DIP2A: variants seen among roughly 807,000 people sequenced by gnomAD.
DIP2A encodes the protein disco-interacting protein 2 homolog A.
Under a neutral mutation model 177.4 loss-of-function variants are expected in DIP2A, and 85 were observed. The ratio of observed to expected loss-of-function variants is 0.48; its 90% CI spans 0.40 to 0.57. DIP2A has a LOEUF of 0.57. DIP2A is among the 20% of genes least tolerant of loss of function. DIP2A has a pLI of 0.00. For missense variants in DIP2A, 1,791 were observed against 2,100.2 expected (o/e 0.85, Z 2.88); for synonymous variants, 886 against 881.8 (o/e 1.00, Z -0.08).
At chr21:46,582,587 G>A in the DIP2A span, among the ~76,000 whole-genome samples, 1 of 152,178 alleles carries the variant, frequency 6.6e-6, no homozygotes, top group Non-Finnish European at 1.5e-5. Flanking sequence ...GTGCTCCTGA[G>A]TGGTCCATCG....
At chr21:46,482,499 G>A (rs942235929) in intron 1 of DIP2A, among the ~76,000 whole-genome samples, 2 of 152,132 alleles carry the variant, frequency 1.3e-5, no homozygotes, top group African/African-American at 4.8e-5. Flanking sequence ...ATAAATGAAT[G>A]TTACTGGTTT....
chr21:46,549,623 A>G, intron 21 of DIP2A, 148 bp from the exon 22 acceptor site: 1 of 1,395,964 alleles, frequency 7.2e-7, no homozygotes, highest in Non-Finnish European at 9.5e-7. Context: ...ATGATGAGTT[A>G]CTTTTTGAAT....
In DIP2A at chr21:46,569,544, A is replaced by G. The variant is rs1219891124; in HGVS notation, c.*1922A>G. 6.6e-6 allele frequency: 1 copy of G among 152,120 alleles called. No individual in the cohort carries two copies. The highest frequency in any genetic ancestry group is 1.9e-4 in the East Asian group (1 of 5,204). 9.4% of individuals were successfully genotyped at this position (152,120 alleles called of 1,614,324 possible). ...TGTTGTAGTTTTATAGCAAACAAAA[A>G]TTGTCAGCTTTTTGTATTGAAAGGT... is the stretch of plus-strand genomic sequence containing the variant. On this transcript the variant is annotated 3_prime_UTR_variant, in exon 38 of 38. Transcript: ENST00000417564.
the DIP2A span, among the ~76,000 whole-genome samples, chr21:46,583,559 T>G: frequency 6.6e-6 from 1 of 152,220 alleles, no homozygotes; most frequent in Non-Finnish European, 1.5e-5. Flanking sequence ...GAATTTTTGT[T>G]CACTCCAAAA....
intron 8 of DIP2A, among the ~76,000 whole-genome samples, chr21:46,518,276 G>A (rs1003873306): frequency 6.6e-6 from 1 of 152,150 alleles, no homozygotes; most frequent in Non-Finnish European, 1.5e-5. Flanking sequence ...ACTTAGGAGT[G>A]GAAGTACTAG....
intron 18 of DIP2A, among the ~76,000 whole-genome samples, chr21:46,542,851 T>C (rs1049268210): frequency 1.3e-5 from 2 of 152,234 alleles, no homozygotes; most frequent in African/African-American, 4.8e-5. Context: ...AGGCTCAGCG[T>C]CCTGGCCCTT....
chr21:46,531,142 G>C (rs182944228), intron 9 of DIP2A, among the ~76,000 whole-genome samples: 4 of 152,076 alleles, frequency 2.6e-5, no homozygotes, highest in South Asian at 2.1e-4. Context: ...AGCAGTCCAG[G>C]GGGGGCAGCA....
At chr21:46,475,874 A>G (rs530194088) in intron 1 of DIP2A, among the ~76,000 whole-genome samples, 21 of 152,298 alleles carry the variant, frequency 1.4e-4, no homozygotes, top group Admixed American at 7.8e-4. Flanking sequence ...GCATATTTTA[A>G]AACTATGTAA....
intron 32 of DIP2A, 72 bp from the exon 33 acceptor site, chr21:46,560,650 C>T: frequency 6.5e-7 from 1 of 1,544,642 alleles, no homozygotes. Context: ...AGCTGCCATG[C>T]AGCTGTACCT....
intron 2 of DIP2A, among the ~76,000 whole-genome samples, chr21:46,485,130 A>G (rs1392841142): frequency 6.6e-6 from 1 of 152,178 alleles, no homozygotes; most frequent in Non-Finnish European, 1.5e-5. Flanking sequence ...ATTATGAACA[A>G]CCTGGCACAA....
intron 1 of DIP2A, among the ~76,000 whole-genome samples, chr21:46,463,719 T>TGTGTGTGTGTGTGTG (rs35675489): frequency 2.5e-5 from 3 of 122,406 alleles, no homozygotes; most frequent in Non-Finnish European, 3.3e-5. Context: ...TGTGTGTGTG[T>TGTGTGTGTGTGTGTG]ATATTTTGAG....
Position 46,476,628 on chromosome 21 carries a change from G to A in DIP2A, c.92-8129G>A, listed in dbSNP as rs531618857. Among the ~76,000 whole-genome samples the A allele has an allele frequency of 2.0e-5, 3 of 151,370 alleles. No individual in the cohort carries two copies. In the South Asian group the frequency reaches 6.3e-4, roughly 32 times the overall value. ...AAGGCAGATTTGGGATGAATCTCAC[G>A]TCTTCTAGTCATAGCATCACTCTAT... On this transcript the variant is annotated intron_variant, in intron 1 of 37. Transcript: ENST00000417564.
At chr21:46,474,223 G>A (rs777840144) in intron 1 of DIP2A, among the ~76,000 whole-genome samples, 11 of 152,196 alleles carry the variant, frequency 7.2e-5, no homozygotes, top group Non-Finnish European at 1.6e-4. Flanking sequence ...TCACGAAGAC[G>A]TGGAACACAA....
chr21:46,477,576 T>G (rs1221392829), intron 1 of DIP2A, among the ~76,000 whole-genome samples: 50 of 125,006 alleles, frequency 4.0e-4, no homozygotes, highest in South Asian at 1.3e-3. Flanking sequence ...TGTATTTCTT[T>G]TTTTTTTTTT....
At chr21:46,527,468 G>A (rs1360488028) in intron 8 of DIP2A, among the ~76,000 whole-genome samples, 1 of 151,486 alleles carries the variant, frequency 6.6e-6, no homozygotes, top group Non-Finnish European at 1.5e-5. Context: ...TGGGATTACA[G>A]TGTGTGCCAC....
At chr21:46,521,464 C>CGTAA (rs1167570104) in intron 8 of DIP2A, among the ~76,000 whole-genome samples, 1 of 152,152 alleles carries the variant, frequency 6.6e-6, no homozygotes, top group Non-Finnish European at 1.5e-5. Context: ...GCTGGGATTA[C>CGTAA]AGGCATGAGC....
chr21:46,545,173 A>G lies in DIP2A; in HGVS notation c.2213A>G (p.Tyr738Cys), dbSNP rs1490169454. ...GTTGTGAAGTTAGAAGGTACCCCTT[A>G]TCTTTGTAAAACTGATGAAGTGGGA... is the stretch of plus-strand genomic sequence containing the variant. ...VCVVKLEGTPYLCKTDEVGEI... is the reference protein window; with the variant it reads ...VCVVKLEGTPCLCKTDEVGEI... Residue 738 changes from tyrosine to cysteine, a missense_variant, in exon 19 of 38, where the codon TAT becomes TGT. By Grantham distance (194) the Tyr-to-Cys change is radical. Coordinates refer to ENST00000417564, the MANE Select transcript of DIP2A (RefSeq NM_015151.4). 1 of 1,607,206 alleles carries G rather than the reference A, an allele frequency of 6.2e-7. No homozygotes were observed. Among genetic ancestry groups the G allele is most frequent in the African/African-American group, 1.3e-5 (1 of 74,866 alleles).
intron 3 of DIP2A, among the ~76,000 whole-genome samples, chr21:46,494,673 G>A (rs1164540863): frequency 6.6e-6 from 1 of 152,140 alleles, no homozygotes; most frequent in Non-Finnish European, 1.5e-5. Flanking sequence ...TGAGTCACTG[G>A]CCTCCTCCAA....
chr21:46,543,959 C>T (rs1180141521), intron 18 of DIP2A, among the ~76,000 whole-genome samples: 1 of 152,090 alleles, frequency 6.6e-6, no homozygotes, highest in Non-Finnish European at 1.5e-5. Flanking sequence ...TTTTTACTGT[C>T]TTTGGAGATG....
Sources: gnomAD v4.1 joint callset for allele counts (sites outside exome capture counted in the v4.1 genomes callset) on GRCh38, gnomAD v4.1.1 for gene constraint, MANE v1.5 for transcripts, NCBI Gene and HGNC (gene_info 2026-07-23, HGNC 2026-07-21) for gene names.